Variants in STPG2 observed in about 807,000 individuals in gnomAD.
STPG2 encodes sperm tail PG-rich repeat containing 2, also known as sperm-tail PG-rich repeat-containing protein 2.
STPG2 carries 56 observed loss-of-function variants against 54.2 expected under a neutral mutation model. The ratio of observed to expected loss-of-function variants is 1.03; its 90% CI spans 0.83 to 1.29. STPG2 has a LOEUF of 1.29. Among genes scored for constraint, STPG2 ranks in the 50% most tolerant of loss-of-function variants. The pLI, the probability that STPG2 is intolerant of heterozygous loss-of-function variation, is 0.00. For synonymous variants in STPG2, 200 were observed against 181.8 expected (o/e 1.10, Z -0.81); for missense variants, 596 against 544.9 (o/e 1.09, Z -0.93).
intron 4 of STPG2, among the ~76,000 whole-genome samples, chr4:97,454,519 CAAAAAAAAAAAAAAAAAAAAA>C (rs10564687): frequency 9.8e-4 from 43 of 43,692 alleles, no homozygotes; most frequent in Admixed American, 5.7e-3. Flanking sequence ...GACTCCGTCT[CAAAAAAAAAAAAAAAAAAAAA>C]AAAAAAAAAA....
intron 9 of STPG2, among the ~76,000 whole-genome samples, chr4:97,737,476 G>A (rs900064525): frequency 2.6e-5 from 4 of 152,248 alleles, no homozygotes; most frequent in Admixed American, 6.5e-5. Flanking sequence ...AAATTTAGAC[G>A]AATGTATAAC....
intron 5 of STPG2, among the ~76,000 whole-genome samples, chr4:97,991,300 G>C (rs115154919): frequency 6.7e-5 from 10 of 149,804 alleles, no homozygotes; most frequent in Admixed American, 2.0e-4. Context: ...ACATATATAC[G>C]CACACACACA....
intron 5 of STPG2, among the ~76,000 whole-genome samples, chr4:98,008,857 T>C (rs956448588): frequency 4.6e-5 from 7 of 152,118 alleles, no homozygotes; most frequent in African/African-American, 1.4e-4. Context: ...TATTTCTTCA[T>C]TATTCAGTCT....
At chr4:98,079,627 T>G (rs1738280203) in intron 5 of STPG2, among the ~76,000 whole-genome samples, 1 of 152,120 alleles carries the variant, frequency 6.6e-6, no homozygotes, top group South Asian at 2.1e-4. Context: ...AGATTGTCTT[T>G]AAAAATAACC....
At chr4:97,687,020 A>C (rs1345929418) in intron 10 of STPG2, among the ~76,000 whole-genome samples, 1 of 151,364 alleles carries the variant, frequency 6.6e-6, no homozygotes, top group Non-Finnish European at 1.5e-5. Context: ...GGCTCACTGC[A>C]AGCTCCGCCT....
chr4:97,741,564 G>C (rs1010891119), intron 9 of STPG2, among the ~76,000 whole-genome samples: 3 of 152,258 alleles, frequency 2.0e-5, no homozygotes, highest in African/African-American at 7.2e-5. Context: ...GACATGAACA[G>C]ACACTTCTCA....
intron 9 of STPG2, among the ~76,000 whole-genome samples, chr4:97,755,521 ATTTC>A (rs899045933): frequency 4.6e-5 from 7 of 152,118 alleles, no homozygotes; most frequent in African/African-American, 1.4e-4. Context: ...TAAATTGCCA[ATTTC>A]TTTAAGAAAA....
intron 5 of STPG2, among the ~76,000 whole-genome samples, chr4:98,060,149 A>G (rs1737598469): frequency 6.6e-6 from 1 of 152,224 alleles, no homozygotes; most frequent in African/African-American, 2.4e-5. Flanking sequence ...TGCAGATGAC[A>G]TAATTCTATA....
At chr4:97,620,237 A>G (rs946450414) in intron 10 of STPG2, among the ~76,000 whole-genome samples, 1 of 152,200 alleles carries the variant, frequency 6.6e-6, no homozygotes, top group East Asian at 1.9e-4. Flanking sequence ...GGCATGTAAC[A>G]AAGTCTTAAT....
At chr4:97,988,161 G>C (rs1164648597) in intron 5 of STPG2, among the ~76,000 whole-genome samples, 1 of 151,370 alleles carries the variant, frequency 6.6e-6, no homozygotes, top group African/African-American at 2.4e-5. Context: ...TCTGCTTCAC[G>C]ACCTTGGCAT....
At chr4:97,628,483 A>C (rs1015919759) in intron 10 of STPG2, among the ~76,000 whole-genome samples, 19 of 152,140 alleles carry the variant, frequency 1.2e-4, no homozygotes, top group African/African-American at 4.6e-4. Flanking sequence ...AGAAATGGAA[A>C]CTAAATACAC....
rs70953077 is a variant in STPG2 at position 97,616,057 on chromosome 4, AATATATATATAT to A, written c.1321-56952_1321-56941del. ...GTCTCAAAAAAAAAAAATACATATA[AATATATATATAT>A]ATATATATATATATATATATATATA... On this transcript the variant is annotated intron_variant, in intron 10 of 10. Coordinates refer to ENST00000295268, the MANE Select transcript of STPG2 (RefSeq NM_174952.3). Among the ~76,000 whole-genome samples, 29 of 37,396 alleles carry A rather than the reference AATATATATATAT, an allele frequency of 7.8e-4. 2 individuals carry two copies. Among genetic ancestry groups the A allele is most frequent in the South Asian group, 5.8e-3 (4 of 692 alleles). 24.5% of individuals were successfully genotyped at this position (37,396 alleles called of 152,430 possible). A position where few individuals can be genotyped will look rare whatever the true frequency, so the allele number is the denominator to read the frequency against.
intron 8 of STPG2, among the ~76,000 whole-genome samples, chr4:97,859,466 CTTTTTT>C (rs70953089): frequency 7.7e-6 from 1 of 129,114 alleles, no homozygotes; most frequent in Admixed American, 7.6e-5. Flanking sequence ...CTTTTCTTTT[CTTTTTT>C]TTTTTTTTTG....
chr4:97,804,058 C>T (rs1486726246), intron 9 of STPG2, among the ~76,000 whole-genome samples: 1 of 152,152 alleles, frequency 6.6e-6, no homozygotes, highest in African/African-American at 2.4e-5. Context: ...AATAACAATA[C>T]TGATGCTGCT....
chr4:97,875,648 G>A (rs1157864937), intron 8 of STPG2, among the ~76,000 whole-genome samples: 1 of 151,788 alleles, frequency 6.6e-6, no homozygotes, highest in South Asian at 2.1e-4. Flanking sequence ...ACATAGCAAG[G>A]TCATAACAGT....
At chr4:97,523,225 G>A (rs1208988566) in intron 4 of STPG2, among the ~76,000 whole-genome samples, 2 of 151,770 alleles carry the variant, frequency 1.3e-5, no homozygotes, top group Non-Finnish European at 2.9e-5. Flanking sequence ...GAGCATTTAG[G>A]AGCTTTGATA....
chr4:97,717,362 AG>A (rs1451974778), intron 9 of STPG2, among the ~76,000 whole-genome samples: 4 of 152,324 alleles, frequency 2.6e-5, no homozygotes, highest in African/African-American at 9.6e-5. Context: ...TTGTGTACAA[AG>A]CCCCTAAGAA....
intron 9 of STPG2, among the ~76,000 whole-genome samples, chr4:97,737,532 G>A (rs1725050588): frequency 6.6e-6 from 1 of 152,206 alleles, no homozygotes; most frequent in African/African-American, 2.4e-5. Context: ...TGATGGAGCT[G>A]AAAGCCAAGG....
At chr4:98,046,893 C>G (rs1737145880) in intron 5 of STPG2, among the ~76,000 whole-genome samples, 1 of 152,146 alleles carries the variant, frequency 6.6e-6, no homozygotes, top group African/African-American at 2.4e-5. Context: ...CAAGGAGGAG[C>G]TACAGAAATT....
Sources: gnomAD v4.1 joint callset for allele counts (sites outside exome capture counted in the v4.1 genomes callset) on GRCh38, gnomAD v4.1.1 for gene constraint, MANE v1.5 for transcripts, NCBI Gene and HGNC (gene_info 2026-07-23, HGNC 2026-07-21) for gene names.